The following CLEC16A variants were observed in gnomAD, a reference collection of about 807,000 sequenced individuals.
The protein encoded by CLEC16A is C-type lectin domain containing 16A, also known as protein CLEC16A.
Under a neutral mutation model 109.5 loss-of-function variants are expected in CLEC16A, and 51 were observed. That is an observed-to-expected ratio of 0.47 (90% confidence interval 0.37 to 0.59). CLEC16A has a LOEUF of 0.59. Among genes scored for constraint, CLEC16A ranks in the 20% least tolerant of loss-of-function variants. CLEC16A has a pLI of 0.00. For synonymous variants in CLEC16A, 673 were observed against 564.2 expected (o/e 1.19, Z -2.73); for missense variants, 1,339 against 1,394.0 (o/e 0.96, Z 0.63).
At chr16:11,106,477 T>TC (rs71136619) in intron 19 of CLEC16A, among the ~76,000 whole-genome samples, 1 of 150,306 alleles carries the variant, frequency 6.7e-6, no homozygotes, top group Non-Finnish European at 1.5e-5. Flanking sequence ...TTTTTTTTTT[T>TC]AGATGGGGTA....
chr16:11,084,849 G>A (rs185787913), intron 19 of CLEC16A, among the ~76,000 whole-genome samples: 7 of 152,288 alleles, frequency 4.6e-5, no homozygotes, highest in African/African-American at 1.2e-4. Flanking sequence ...AGAGGTAGCC[G>A]GGGCTGGGTG....
At chr16:10,957,701 C>T (rs2042055374) in intron 1 of CLEC16A, 81 bp from the exon 2 acceptor site, 7 of 1,465,442 alleles carry the variant, frequency 4.8e-6, no homozygotes, top group South Asian at 4.6e-5. Context: ...GCATTGTCTC[C>T]AAAATATTGC....
intron 11 of CLEC16A, among the ~76,000 whole-genome samples, chr16:11,014,573 A>G (rs1327543511): frequency 1.3e-5 from 2 of 152,256 alleles, no homozygotes; most frequent in Non-Finnish European, 1.5e-5. Context: ...TAGTACAGGT[A>G]ACACAGAGAC....
intron 15 of CLEC16A, 140 bp downstream of exon 15, chr16:11,042,503 T>C: frequency 1.7e-6 from 1 of 594,568 alleles, no homozygotes. Flanking sequence ...GGCTGCTCTC[T>C]TGAGACCCCA....
chr16:11,144,021 T>C (rs1165886416), intron 22 of CLEC16A, among the ~76,000 whole-genome samples: 1 of 152,176 alleles, frequency 6.6e-6, no homozygotes, highest in African/African-American at 2.4e-5. Flanking sequence ...ATCAAGCCCA[T>C]TGGAGGATAA....
chr16:11,131,729 C>G (rs968612031), intron 22 of CLEC16A, among the ~76,000 whole-genome samples: 1 of 152,216 alleles, frequency 6.6e-6, no homozygotes, highest in African/African-American at 2.4e-5. Context: ...CTCCTTAAAA[C>G]CCACCAGCCC....
At chr16:10,982,015 T>A (rs1017919099) in intron 9 of CLEC16A, among the ~76,000 whole-genome samples, 1 of 152,214 alleles carries the variant, frequency 6.6e-6, no homozygotes, top group Non-Finnish European at 1.5e-5. Context: ...GTGCCAAGAT[T>A]GAGAAACCCT....
chr16:11,165,274 T>C (rs930664321), intron 22 of CLEC16A, among the ~76,000 whole-genome samples: 5 of 151,738 alleles, frequency 3.3e-5, no homozygotes, highest in Non-Finnish European at 7.4e-5. Flanking sequence ...GAGGATCACT[T>C]GAGTCCAGGA....
intron 11 of CLEC16A, among the ~76,000 whole-genome samples, chr16:11,018,061 A>G (rs886911305): frequency 3.6e-4 from 55 of 151,520 alleles, no homozygotes; most frequent in African/African-American, 1.3e-3. Flanking sequence ...TAATCCCAGC[A>G]CTTTGGGAGG....
chr16:11,119,166 A>AT (rs1007155459), intron 19 of CLEC16A, among the ~76,000 whole-genome samples: 125 of 151,984 alleles, frequency 8.2e-4, no homozygotes, highest in African/African-American at 2.9e-3. Flanking sequence ...CGCTCAGCTA[A>AT]TTTTTTTTAT....
In CLEC16A at chr16:11,114,918, T is replaced by C. The variant is rs561634577; in HGVS notation, c.2117-5697T>C. Among the ~76,000 whole-genome samples, 7 of 152,378 alleles carry C rather than the reference T, an allele frequency of 4.6e-5. No homozygotes were observed. The South Asian group carries it at 1.4e-3, about 32-fold the overall frequency. ...CTCCCTCCCTGGGATCCTTCCTGTCTCACTGGTGTGGCCGCATTTTAGTTT... is the reference window on the plus strand; with the variant it reads ...CTCCCTCCCTGGGATCCTTCCTGTCCCACTGGTGTGGCCGCATTTTAGTTT... On this transcript the variant is annotated intron_variant, in intron 19 of 23. Coordinates refer to ENST00000409790, the MANE Select transcript of CLEC16A (RefSeq NM_015226.3).
chr16:11,020,121 A>T (rs111322660), intron 11 of CLEC16A, 72 bp from the exon 12 acceptor site: 3 of 1,505,488 alleles, frequency 2.0e-6, no homozygotes, highest in African/African-American at 2.8e-5. Context: ...TTATTCTCCA[A>T]CATGAGCATG....
chr16:11,032,622 G>C (rs1345914258), intron 13 of CLEC16A, among the ~76,000 whole-genome samples: 1 of 152,202 alleles, frequency 6.6e-6, no homozygotes, highest in Non-Finnish European at 1.5e-5. Flanking sequence ...TTGTGCTGCA[G>C]GGGTTACTAG....
intron 19 of CLEC16A, among the ~76,000 whole-genome samples, chr16:11,091,657 C>T (rs937975745): frequency 2.2e-4 from 33 of 152,288 alleles, no homozygotes; most frequent in Non-Finnish European, 3.4e-4. Context: ...GACCTCAGCA[C>T]ATGGCTTAAC....
chr16:10,959,846 C>G (rs1470098010), intron 2 of CLEC16A, among the ~76,000 whole-genome samples: 5 of 151,848 alleles, frequency 3.3e-5, no homozygotes, highest in African/African-American at 1.2e-4. Flanking sequence ...CTCCTGAGCT[C>G]AAACGATTCT....
Position 11,156,429 on chromosome 16 carries a change from G to A in CLEC16A, c.2642-9959G>A, listed in dbSNP as rs115175638. 3.2e-3 allele frequency: 1,026 copies of A among 323,882 alleles called. 13 individuals carry two copies. The highest frequency in any genetic ancestry group is 0.021 in the African/African-American group (973 of 45,568). 20.1% of individuals were successfully genotyped at this position (323,882 alleles called of 1,614,324 possible). A position where few individuals can be genotyped will look rare whatever the true frequency, so the allele number is the denominator to read the frequency against. ...CTCCTTGGCCAGCCAGAACCTTGGGGGGCCATCCTTTGCAAGCAGGGCCAT... is the reference window on the plus strand; with the variant it reads ...CTCCTTGGCCAGCCAGAACCTTGGGAGGCCATCCTTTGCAAGCAGGGCCAT... On this transcript the variant is annotated intron_variant, in intron 22 of 23. Transcript: ENST00000409790.
intron 19 of CLEC16A, among the ~76,000 whole-genome samples, chr16:11,081,602 C>A (rs1401475646): frequency 6.6e-6 from 1 of 152,156 alleles, no homozygotes; most frequent in Non-Finnish European, 1.5e-5. Context: ...AAGGTACCCA[C>A]TCCCTGGATT....
At chr16:11,117,904 A>G (rs1166719901) in intron 19 of CLEC16A, among the ~76,000 whole-genome samples, 1 of 152,182 alleles carries the variant, frequency 6.6e-6, no homozygotes, top group African/African-American at 2.4e-5. Context: ...GTCCTATGTT[A>G]CCCTGGTGAT....
intron 22 of CLEC16A, among the ~76,000 whole-genome samples, chr16:11,155,929 C>T (rs1459452243): frequency 6.6e-6 from 1 of 152,180 alleles, no homozygotes; most frequent in Non-Finnish European, 1.5e-5. Flanking sequence ...TTCCCTGGCC[C>T]CTTTGTACAG....
Sources: gnomAD v4.1 joint callset for allele counts (sites outside exome capture counted in the v4.1 genomes callset) on GRCh38, gnomAD v4.1.1 for gene constraint, MANE v1.5 for transcripts, NCBI Gene and HGNC (gene_info 2026-07-23, HGNC 2026-07-21) for gene names.